NAV2: variants seen among roughly 807,000 people sequenced by gnomAD.
The protein encoded by NAV2 is neuron navigator 2.
In NAV2, 54 loss-of-function variants were observed where a neutral mutation model predicts 223.2. That is an observed-to-expected ratio of 0.24 (90% CI 0.19 to 0.30). NAV2 has a LOEUF of 0.30. NAV2 is among the 10% of genes least tolerant of loss of function. NAV2 has a pLI of 1.00. For synonymous variants in NAV2, 1,279 were observed against 1,239.3 expected (o/e 1.03, Z -0.67); for missense variants, 2,806 against 3,147.5 (o/e 0.89, Z 2.60).
chr11:19,897,798 T>A (rs888739945), intron 6 of NAV2, among the ~76,000 whole-genome samples: 7 of 151,422 alleles, frequency 4.6e-5, no homozygotes, highest in African/African-American at 1.7e-4. Flanking sequence ...TGTTGTATCA[T>A]CATTGCCATC....
At chr11:19,538,520 T>G (rs1590449292) in intron 1 of NAV2, among the ~76,000 whole-genome samples, 2 of 108,996 alleles carry the variant, frequency 1.8e-5, no homozygotes, top group African/African-American at 8.4e-5. Flanking sequence ...TTTGTTTTTG[T>G]TTTTTTTTTT....
At chr11:19,957,373 C>T (rs1449538422) in intron 10 of NAV2, among the ~76,000 whole-genome samples, 1 of 152,206 alleles carries the variant, frequency 6.6e-6, no homozygotes, top group Non-Finnish European at 1.5e-5. Context: ...GTCTCTTTTC[C>T]TAAGCAGCTC....
chr11:19,821,255 C>CT (rs960026014), intron 1 of NAV2, among the ~76,000 whole-genome samples: 9 of 81,434 alleles, frequency 1.1e-4, no homozygotes, highest in African/African-American at 4.4e-4. Flanking sequence ...GAGCGAGACT[C>CT]TGTCTCAAAA....
intron 1 of NAV2, among the ~76,000 whole-genome samples, chr11:19,356,580 G>GA (rs1853631615): frequency 6.6e-6 from 1 of 152,138 alleles, no homozygotes; most frequent in Non-Finnish European, 1.5e-5. Context: ...GGAGGAGGGG[G>GA]AACGTGAGCT....
chr11:19,761,375 C>T (rs1334911072), intron 1 of NAV2, among the ~76,000 whole-genome samples: 3 of 152,046 alleles, frequency 2.0e-5, no homozygotes, highest in Admixed American at 6.5e-5. Context: ...TTTCAGTGAG[C>T]GACAAGTACT....
intron 1 of NAV2, among the ~76,000 whole-genome samples, chr11:19,486,476 C>T (rs748065895): frequency 2.6e-5 from 4 of 152,164 alleles, no homozygotes; most frequent in Non-Finnish European, 4.4e-5. Context: ...GAGGTAATCA[C>T]GGGGGCGGTT....
At chr11:19,891,428 T>G (rs1211962567) in intron 5 of NAV2, among the ~76,000 whole-genome samples, 1 of 152,222 alleles carries the variant, frequency 6.6e-6, no homozygotes, top group East Asian at 1.9e-4. Flanking sequence ...AACTCTTTGG[T>G]GAATGGGCCA....
At chr11:20,044,822 CTA>C in intron 13 of NAV2, 144 bp from the exon 14 acceptor site, 1 of 632,842 alleles carries the variant, frequency 1.6e-6, no homozygotes, top group East Asian at 2.8e-5. Context: ...CATTAGTAGA[CTA>C]TATTATTTTT....
intron 25 of NAV2, among the ~76,000 whole-genome samples, chr11:20,081,537 C>T (rs979372287): frequency 6.6e-5 from 10 of 152,180 alleles, no homozygotes; most frequent in African/African-American, 2.4e-4. Flanking sequence ...TCTCCTCTTC[C>T]ACCTGGCTTT....
chr11:19,536,906 CA>C (rs2044206022), intron 1 of NAV2, among the ~76,000 whole-genome samples: 2 of 152,200 alleles, frequency 1.3e-5, no homozygotes, highest in South Asian at 4.1e-4. Context: ...TGGGCACAAA[CA>C]TCTTTTCCAT....
intron 1 of NAV2, among the ~76,000 whole-genome samples, chr11:19,382,303 C>T (rs1009236963): frequency 2.0e-5 from 3 of 152,124 alleles, no homozygotes; most frequent in Non-Finnish European, 4.4e-5. Context: ...TTTCTTTCGG[C>T]CCATGCTGAA....
At chr11:20,020,541 CA>C (rs1477750334) in intron 11 of NAV2, among the ~76,000 whole-genome samples, 1 of 152,172 alleles carries the variant, frequency 6.6e-6, no homozygotes, top group African/African-American at 2.4e-5. Flanking sequence ...AACCCTGACT[CA>C]ATTAGAACCT....
intron 2 of NAV2, among the ~76,000 whole-genome samples, chr11:19,835,856 G>A (rs950164817): frequency 6.6e-6 from 1 of 151,900 alleles, no homozygotes; most frequent in Non-Finnish European, 1.5e-5. Context: ...CAGAATTCTA[G>A]TGGCTATACT....
intron 1 of NAV2, among the ~76,000 whole-genome samples, chr11:19,438,237 A>T (rs2702644): frequency 0.04 from 6,141 of 152,224 alleles, 423 homozygotes; most frequent in African/African-American, 0.14. Context: ...GTCAATCCTT[A>T]ACAGCAACCT....
At chr11:19,941,259 A>C (rs2585771) in intron 8 of NAV2, among the ~76,000 whole-genome samples, 1 of 152,068 alleles carries the variant, frequency 6.6e-6, no homozygotes, top group Non-Finnish European at 1.5e-5. Flanking sequence ...GAAACCCTGA[A>C]ATGCTGTCAA....
intron 6 of NAV2, among the ~76,000 whole-genome samples, chr11:19,910,289 A>G (rs1192394857): frequency 1.3e-5 from 2 of 152,226 alleles, no homozygotes; most frequent in South Asian, 2.1e-4. Flanking sequence ...TTCACTAATC[A>G]TTGAGCCCCT....
rs149783613 is a variant in NAV2, at chr11:20,102,792, C to A, written c.6418-463C>A. 2.6e-4 allele frequency among the ~76,000 whole-genome samples: 40 copies of A among 152,266 alleles called. No homozygotes were observed. In the East Asian group the frequency reaches 7.7e-3, roughly 29 times the overall value. ...CCCACCCGTTCTCCAAGGTTAAATACAAAGCTTGCCCTTTCAGCAGGACTT... is the reference window on the plus strand; with the variant it reads ...CCCACCCGTTCTCCAAGGTTAAATAAAAAGCTTGCCCTTTCAGCAGGACTT... On this transcript the variant is annotated intron_variant, in intron 32 of 37. Coordinates refer to ENST00000349880, the MANE Select transcript of NAV2 (RefSeq NM_145117.5).
chr11:20,035,098 C>T (rs895883449), intron 11 of NAV2, among the ~76,000 whole-genome samples: 2 of 152,062 alleles, frequency 1.3e-5, no homozygotes, highest in Non-Finnish European at 2.9e-5. Context: ...CTGACTGCTG[C>T]GGGCGGATGG....
chr11:19,710,700 A>G (rs1413163231), upstream of NAV2, among the ~76,000 whole-genome samples: 2 of 152,244 alleles, frequency 1.3e-5, no homozygotes, highest in African/African-American at 4.8e-5. Flanking sequence ...GAAGATTGTG[A>G]TATCTTTCCA....
Sources: gnomAD v4.1 joint callset for allele counts (sites outside exome capture counted in the v4.1 genomes callset) on GRCh38, gnomAD v4.1.1 for gene constraint, MANE v1.5 for transcripts, NCBI Gene and HGNC (gene_info 2026-07-23, HGNC 2026-07-21) for gene names.